Variants in GLIPR1L2 observed in about 807,000 individuals in gnomAD.
The protein encoded by GLIPR1L2 is GLIPR1 like 2, also known as GLIPR1-like protein 2.
Under a neutral mutation model 28.4 loss-of-function variants are expected in GLIPR1L2, and 21 were observed. The ratio of observed to expected loss-of-function variants is 0.74; its 90% CI spans 0.52 to 1.06. The LOEUF (loss-of-function observed/expected upper bound fraction) is 1.06, where lower values mean the gene tolerates loss of function less well. GLIPR1L2 is among the 50% of genes least tolerant of loss of function. The pLI, the probability that GLIPR1L2 is intolerant of heterozygous loss-of-function variation, is 0.00. For missense variants in GLIPR1L2, 476 were observed against 416.9 expected, an observed-to-expected ratio of 1.14 and a Z score of -1.23; for synonymous variants, 145 against 139.3, an observed-to-expected ratio of 1.04 and a Z score of -0.29.
At chr12:75,393,822 T>C (rs1411060400) in intron 1 of GLIPR1L2, among the ~76,000 whole-genome samples, 1 of 152,078 alleles carries the variant, frequency 6.6e-6, no homozygotes, top group Non-Finnish European at 1.5e-5. Context: ...CCCCATTCTG[T>C]TTTCCATAGT....
rs5799226 is a variant in GLIPR1L2, at chr12:75,431,228, GA to G, written c.*80del. Reference sequence around the variant, plus strand: ...CAAAAGTGTAATACAAAAAAAGACAGAAAAAAAAAAAAAGTAAAACACTGAG... The same window carrying G: ...CAAAAGTGTAATACAAAAAAAGACAGAAAAAAAAAAAAGTAAAACACTGAG... On this transcript the variant is annotated 3_prime_UTR_variant, in exon 6 of 6. Coordinates refer to ENST00000550916, the MANE Select transcript of GLIPR1L2 (RefSeq NM_001270396.2). 0.37 allele frequency: 166,835 copies of G among 447,784 alleles called. 12,625 individuals are homozygous for G. The highest frequency in any genetic ancestry group is 0.42 in the East Asian group (12,502 of 29,654). The allele number at this position is 447,784 out of a possible 1,614,324, so 27.7% of individuals were successfully genotyped here.
intron 1 of GLIPR1L2, among the ~76,000 whole-genome samples, chr12:75,406,151 A>T (rs1008244552): frequency 7.0e-4 from 27 of 38,530 alleles, no homozygotes; most frequent in African/African-American, 1.4e-3. Context: ...GTCTTTTTTT[A>T]AAAAAAAATT....
At position 75,431,335 on chromosome 12, in the gene GLIPR1L2, A is replaced by G; in HGVS notation, c.*174A>G. The G allele has an allele frequency of 2.1e-6, 1 of 479,932 alleles. No homozygotes were observed. Among genetic ancestry groups the G allele is most frequent in the South Asian group, 4.6e-5 (1 of 21,526 alleles). The allele number at this position is 479,932 out of a possible 1,614,324, so 29.7% of individuals were successfully genotyped here. A position where few individuals can be genotyped will look rare whatever the true frequency, so the allele number is the denominator to read the frequency against. The stretch of plus-strand genomic sequence containing the variant: ...TCTCCTATACTTATTCAATCAATTT[A>G]AATTTGTAAAACAAAGAAACAAAAA... On this transcript the variant is annotated 3_prime_UTR_variant, in exon 6 of 6. Coordinates refer to ENST00000550916, the MANE Select transcript of GLIPR1L2 (RefSeq NM_001270396.2).
chr12:75,410,394 A>T (rs748420826), intron 1 of GLIPR1L2, 40 bp from the exon 2 acceptor site: 2 of 1,445,010 alleles, frequency 1.4e-6, no homozygotes, highest in South Asian at 1.6e-5. Context: ...CTACAAAAAA[A>T]AACTTATTTT....
rs770286830 is a variant in GLIPR1L2, at chr12:75,391,282, G to A, written c.166G>A (p.Glu56Lys). 16 of 1,614,200 alleles carry A rather than the reference G, an allele frequency of 9.9e-6. No individual in the cohort carries two copies. The South Asian group carries it at 1.3e-4, about 13-fold the overall frequency. ...PDEEDVDFIN[E>K]YVNLHNELRG... The stretch of plus-strand genomic sequence containing the variant: ...CGAGGAGGACGTAGACTTTATCAAC[G>A]AGTACGTGAACCTCCACAATGAGCT... The change falls in exon 1 of 6, where the codon GAG becomes AAG. Residue 56 changes from glutamate to lysine, a missense_variant. By Grantham distance (56) the Glu-to-Lys change is moderately conservative. Transcript: ENST00000550916.
chr12:75,419,749 A>T (rs904128338), intron 3 of GLIPR1L2, among the ~76,000 whole-genome samples: 3 of 152,238 alleles, frequency 2.0e-5, no homozygotes, highest in Admixed American at 1.3e-4. Flanking sequence ...CAGCCAACAA[A>T]GTTTTACAGA....
intron 3 of GLIPR1L2, among the ~76,000 whole-genome samples, chr12:75,417,517 G>C (rs1196211629): frequency 6.6e-6 from 1 of 152,100 alleles, no homozygotes; most frequent in African/African-American, 2.4e-5. Context: ...GAATAAAACA[G>C]ACTTGGCCAT....
In GLIPR1L2 at chr12:75,393,208, A is replaced by T. The variant is rs540793298; in HGVS notation, c.234+1858A>T. Among the ~76,000 whole-genome samples the T allele has an allele frequency of 6.2e-4, 95 of 152,210 alleles. 1 individual carries two copies. The highest frequency in any genetic ancestry group is 1.1e-3 in the Non-Finnish European group (78 of 67,930). On this transcript the variant is annotated intron_variant, in intron 1 of 5. Coordinates refer to ENST00000550916, the MANE Select transcript of GLIPR1L2 (RefSeq NM_001270396.2). ...TACCTTGCTTTTAAATACCAAAAAA[A>T]TTGTTGTTTTTAAAAAATTGTATTA... is the stretch of plus-strand genomic sequence containing the variant.
intron 3 of GLIPR1L2, among the ~76,000 whole-genome samples, chr12:75,420,068 A>G (rs17114962): frequency 0.35 from 52,992 of 152,056 alleles, 9,603 homozygotes; most frequent in East Asian, 0.46. Flanking sequence ...GTTGTGATAC[A>G]TAAGAAGTAG....
intron 4 of GLIPR1L2, among the ~76,000 whole-genome samples, chr12:75,429,934 CTTTCT>C (rs2046073880): frequency 1.6e-5 from 2 of 128,632 alleles, no homozygotes; most frequent in African/African-American, 2.9e-5. Context: ...CTTTTCTTTT[CTTTCT>C]TTTTTTTTTT....
intron 4 of GLIPR1L2, among the ~76,000 whole-genome samples, chr12:75,426,121 A>T (rs1282278961): frequency 1.3e-5 from 2 of 152,190 alleles, no homozygotes; most frequent in Non-Finnish European, 2.9e-5. Context: ...AAATTACTTG[A>T]ATCTTAAACA....
At chr12:75,420,045 A>G (rs2045961384) in intron 3 of GLIPR1L2, among the ~76,000 whole-genome samples, 4 of 152,230 alleles carry the variant, frequency 2.6e-5, no homozygotes, top group Admixed American at 2.6e-4. Context: ...CCAGAAACAA[A>G]CTAGAAGTCA....
At chr12:75,406,067 G>A (rs1272688079) in intron 1 of GLIPR1L2, among the ~76,000 whole-genome samples, 1 of 146,122 alleles carries the variant, frequency 6.8e-6, no homozygotes, top group African/African-American at 2.5e-5. Flanking sequence ...ATAATTTCCT[G>A]TGCTTTATAT....
At chr12:75,403,700 C>A (rs1391531800) in intron 1 of GLIPR1L2, among the ~76,000 whole-genome samples, 2 of 152,054 alleles carry the variant, frequency 1.3e-5, no homozygotes, top group Admixed American at 1.3e-4. Context: ...CACCTTTGAT[C>A]TTCCCTTCAG....
chr12:75,418,687 T>C (rs1396311433), intron 3 of GLIPR1L2, among the ~76,000 whole-genome samples: 2 of 152,176 alleles, frequency 1.3e-5, no homozygotes, highest in Non-Finnish European at 2.9e-5. Context: ...ATATGAAATT[T>C]AAAGTAGTTT....
rs1404777626 is a variant in GLIPR1L2 at position 75,431,103 on chromosome 12, A to T, written c.977A>T (p.Glu326Val). 2.3e-5 allele frequency: 26 copies of T among 1,125,526 alleles called. No homozygotes were observed. Among genetic ancestry groups the T allele is most frequent in the Non-Finnish European group, 3.2e-5 (25 of 773,932 alleles). 69.7% of individuals were successfully genotyped at this position (1,125,526 alleles called of 1,614,324 possible). Residue 326 changes from glutamate to valine, a missense_variant, in exon 6 of 6, where the codon GAG becomes GTG. Glu to Val is a moderately radical substitution (Grantham distance 121, BLOSUM62 -2). Coordinates refer to ENST00000550916, the MANE Select transcript of GLIPR1L2 (RefSeq NM_001270396.2). The part of the protein sequence containing the change: ...EIMEMEEEKE[E>V]REEEEEETQK... ...ATGGAAATGGAGGAGGAAAAAGAAG[A>T]GAGAGAGGAGGAGGAGGAGGAAACA...
chr12:75,423,049 C>T (rs200555586), intron 4 of GLIPR1L2, 60 bp downstream of exon 4: 12 of 1,600,418 alleles, frequency 7.5e-6, no homozygotes, highest in East Asian at 6.8e-5. Flanking sequence ...GAAAAATAAG[C>T]GATTGAACAC....
intron 3 of GLIPR1L2, among the ~76,000 whole-genome samples, chr12:75,417,641 T>G (rs1349502007): frequency 6.6e-6 from 1 of 152,036 alleles, no homozygotes; most frequent in Non-Finnish European, 1.5e-5. Context: ...GTATGGCATA[T>G]AAATCTACAA....
intron 2 of GLIPR1L2, among the ~76,000 whole-genome samples, chr12:75,412,270 G>A (rs1027197243): frequency 2.0e-5 from 3 of 151,854 alleles, no homozygotes; most frequent in African/African-American, 2.4e-5. Context: ...CAGGCATGAC[G>A]TCCTTTGGCT....
Sources: allele counts gnomAD v4.1 joint callset (sites outside exome capture counted in the v4.1 genomes callset), GRCh38; gene constraint gnomAD v4.1.1; transcripts MANE v1.5; gene names NCBI Gene and HGNC (gene_info 2026-07-23, HGNC 2026-07-21).